DIPK1A: variants seen among roughly 807,000 people sequenced by gnomAD.
DIPK1A encodes divergent protein kinase domain 1A.
DIPK1A carries 27 observed loss-of-function variants against 40.8 expected under a neutral mutation model. The ratio of observed to expected loss-of-function variants is 0.66; its 90% confidence interval spans 0.49 to 0.91. The LOEUF is 0.91. Among genes scored for constraint, DIPK1A ranks in the 40% least tolerant of loss-of-function variants. The pLI is 0.00. For synonymous variants in DIPK1A, 166 were observed against 171.3 expected, an observed-to-expected ratio of 0.97 and a Z score of 0.24; for missense variants, 412 against 505.7, an observed-to-expected ratio of 0.81 and a Z score of 1.78.
At chr1:92,941,983 C>CA (rs1651169201) in intron 1 of DIPK1A, among the ~76,000 whole-genome samples, 1 of 148,838 alleles carries the variant, frequency 6.7e-6, no homozygotes, top group African/African-American at 2.5e-5. Flanking sequence ...GAGGGAGACT[C>CA]TGTCTCAAAA....
At chr1:92,934,926 C>A (rs1453661285) in intron 1 of DIPK1A, among the ~76,000 whole-genome samples, 1 of 152,118 alleles carries the variant, frequency 6.6e-6, no homozygotes, top group Non-Finnish European at 1.5e-5. Flanking sequence ...TGGTTACTTA[C>A]TAGCGTCAAG....
chr1:92,912,316 A>G (rs1433390911), intron 1 of DIPK1A, among the ~76,000 whole-genome samples: 2 of 152,156 alleles, frequency 1.3e-5, no homozygotes, highest in African/African-American at 4.8e-5. Context: ...CTAACTTAAC[A>G]CTAAAGTTGT....
At chr1:92,876,528 T>C (rs925748438) in intron 1 of DIPK1A, 98 bp from the exon 2 acceptor site, 2 of 1,284,130 alleles carry the variant, frequency 1.6e-6, no homozygotes, top group Non-Finnish European at 2.2e-6. Context: ...AACAACTCAA[T>C]ATATATTCCA....
chr1:92,869,199 T>C lies in DIPK1A; in HGVS notation c.189+7097A>G, dbSNP rs186574147. Among the ~76,000 whole-genome samples, 29 of 151,636 alleles carry C rather than the reference T, an allele frequency of 1.9e-4. No individual in the cohort carries two copies. In the East Asian group the frequency reaches 5.4e-3, roughly 28 times the overall value. ...TATTTTGATACAGGGTCTCATTCTG[T>C]TGCCCAGGCTGGAGTGTAGTGGTGC... On this transcript the variant is annotated intron_variant, in intron 2 of 4. Transcript: ENST00000370310.
Position 92,945,175 on chromosome 1 carries a change from A to G in DIPK1A, c.54+16201T>C, listed in dbSNP as rs180861455. Among the ~76,000 whole-genome samples, 6 of 152,252 alleles carry G rather than the reference A, an allele frequency of 3.9e-5. No homozygotes were observed. In the East Asian group the frequency reaches 1.2e-3, roughly 29 times the overall value. ...AGGGAGGTTTCTGGTAAGAAGAAAAAAAAGAAGGATTTCACCACAGAATAT... is the reference window on the plus strand; with the variant it reads ...AGGGAGGTTTCTGGTAAGAAGAAAAGAAAGAAGGATTTCACCACAGAATAT... On this transcript the variant is annotated intron_variant, in intron 1 of 4. Transcript: ENST00000370310.
intron 1 of DIPK1A, among the ~76,000 whole-genome samples, chr1:92,893,782 G>T (rs1649022363): frequency 6.6e-6 from 1 of 152,042 alleles, no homozygotes; most frequent in Middle Eastern, 3.4e-3. Flanking sequence ...GACACACATA[G>T]GCTCAAAATA....
chr1:92,918,576 C>T lies in DIPK1A; in HGVS notation c.55-42146G>A, dbSNP rs79550753. Among the ~76,000 whole-genome samples, 1,162 of 152,284 alleles carry T rather than the reference C, an allele frequency of 7.6e-3. 13 individuals carry two copies. Among genetic ancestry groups the T allele is most frequent in the African/African-American group, 0.027 (1,104 of 41,556 alleles). On this transcript the variant is annotated intron_variant, in intron 1 of 4. Transcript: ENST00000370310. ...AACTTGTTTTTCTTAAGCCAAAAAT[C>T]AGGTTGTCTCTTTCTAATTACGCAC...
At chr1:92,852,257 G>A (rs1053971875) in intron 2 of DIPK1A, among the ~76,000 whole-genome samples, 1 of 152,110 alleles carries the variant, frequency 6.6e-6, no homozygotes, top group African/African-American at 2.4e-5. Flanking sequence ...CCAGCACTTT[G>A]GGGGGCCGAG....
intron 1 of DIPK1A, among the ~76,000 whole-genome samples, chr1:92,914,089 C>T (rs954589236): frequency 1.3e-5 from 2 of 151,488 alleles, no homozygotes; most frequent in Non-Finnish European, 2.9e-5. Context: ...TCTCTGACAT[C>T]CAATTTGGGA....
intron 2 of DIPK1A, among the ~76,000 whole-genome samples, chr1:92,853,414 A>G (rs1375107170): frequency 6.6e-6 from 1 of 152,216 alleles, no homozygotes; most frequent in Non-Finnish European, 1.5e-5. Flanking sequence ...GCATCCAGGC[A>G]AAAAGATCAA....
At chr1:92,921,635 TACTGTCTGGAGAAAG>T (rs1274733469) in intron 1 of DIPK1A, among the ~76,000 whole-genome samples, 4 of 152,146 alleles carry the variant, frequency 2.6e-5, no homozygotes, top group Middle Eastern at 3.2e-3. Flanking sequence ...GGAGTGGAAG[TACTGTCTGGAGAAAG>T]ACCAGCTCCT....
At chr1:92,859,113 T>C (rs1381564757) in intron 2 of DIPK1A, among the ~76,000 whole-genome samples, 2 of 152,172 alleles carry the variant, frequency 1.3e-5, no homozygotes, top group African/African-American at 2.4e-5. Context: ...ATGGAAACTA[T>C]ACCACAAGGG....
At chr1:92,947,121 T>C (rs1447155221) in intron 1 of DIPK1A, among the ~76,000 whole-genome samples, 1 of 152,170 alleles carries the variant, frequency 6.6e-6, no homozygotes, top group African/African-American at 2.4e-5. Flanking sequence ...ATCTATTATA[T>C]GTATATAGTA....
At chr1:92,929,179 A>T (rs1557489241) in intron 1 of DIPK1A, among the ~76,000 whole-genome samples, 1 of 152,154 alleles carries the variant, frequency 6.6e-6, no homozygotes, top group Admixed American at 6.5e-5. Context: ...CTGTTTCTTC[A>T]CATGTGTAGT....
intron 1 of DIPK1A, among the ~76,000 whole-genome samples, chr1:92,882,825 C>A (rs748081757): frequency 6.6e-6 from 1 of 152,206 alleles, no homozygotes; most frequent in Non-Finnish European, 1.5e-5. Context: ...AGGAGACACT[C>A]TGTGTATCCC....
chr1:92,883,919 T>C (rs1648488633), intron 1 of DIPK1A, among the ~76,000 whole-genome samples: 1 of 152,148 alleles, frequency 6.6e-6, no homozygotes, highest in African/African-American at 2.4e-5. Flanking sequence ...AGAAAAGCAC[T>C]GGGGACATCT....
At chr1:92,924,958 C>G (rs915084183) in intron 1 of DIPK1A, among the ~76,000 whole-genome samples, 2 of 152,202 alleles carry the variant, frequency 1.3e-5, no homozygotes, top group Admixed American at 1.3e-4. Flanking sequence ...TGTAGATGCC[C>G]TTTATCAGAT....
chr1:92,842,503 C>A lies in DIPK1A; in HGVS notation c.*880G>T, dbSNP rs892189895. 1 of 979,478 alleles carries A rather than the reference C, an allele frequency of 1.0e-6. No individual in the cohort carries two copies. Among genetic ancestry groups the A allele is most frequent in the Admixed American group, 6.2e-5 (1 of 16,250 alleles). 60.7% of individuals were successfully genotyped at this position (979,478 alleles called of 1,614,324 possible). On this transcript the variant is annotated 3_prime_UTR_variant, in exon 5 of 5. Transcript: ENST00000370310. Reference sequence around the variant, plus strand: ...GAAAAAAACATTAGATAAATAAATACATTTACATGCCTCTTTAAGAAATAG... The same window carrying A: ...GAAAAAAACATTAGATAAATAAATAAATTTACATGCCTCTTTAAGAAATAG...
chr1:92,834,165 G>A (rs949336840), intron 4 of DIPK1A, among the ~76,000 whole-genome samples: 1 of 152,192 alleles, frequency 6.6e-6, no homozygotes, highest in African/African-American at 2.4e-5. Flanking sequence ...AATTCCAGTA[G>A]AAGAATAGGG....
Sources: allele counts gnomAD v4.1 joint callset (sites outside exome capture counted in the v4.1 genomes callset), GRCh38; gene constraint gnomAD v4.1.1; transcripts MANE v1.5; gene names NCBI Gene and HGNC (gene_info 2026-07-23, HGNC 2026-07-21).